FANCB: variants seen among roughly 807,000 people sequenced by gnomAD.
FANCB encodes FA complementation group B.
In FANCB, 5 loss-of-function variants were observed where a neutral mutation model predicts 38.9. That is an observed-to-expected ratio of 0.13 (90% CI 0.07 to 0.27). FANCB has a LOEUF of 0.27. FANCB is among the 10% of genes least tolerant of loss of function. The probability of loss-of-function intolerance (pLI) is 1.00; values close to 1 mark genes in which losing one functional copy is unlikely to be tolerated. For synonymous variants in FANCB, 236 were observed against 215.4 expected, an observed-to-expected ratio of 1.10 and a Z score of -0.84; for missense variants, 573 against 602.7, an observed-to-expected ratio of 0.95 and a Z score of 0.52.
the FANCB span, among the ~76,000 whole-genome samples, chrX:14,823,052 C>T: frequency 1.3e-4 from 13 of 103,186 alleles, no homozygotes; most frequent in Admixed American, 7.4e-4. Context: ...TTAATGTTTG[C>T]GTACTATATT....
chrX:14,795,270 G>C, the FANCB span, among the ~76,000 whole-genome samples: 1 of 105,357 alleles, frequency 9.5e-6, no homozygotes, highest in Non-Finnish European at 1.9e-5. Context: ...TTTTGGGGTA[G>C]ACACTAGCAA....
the FANCB span, among the ~76,000 whole-genome samples, chrX:14,715,868 C>G: frequency 8.9e-6 from 1 of 111,762 alleles, no homozygotes; most frequent in Non-Finnish European, 1.9e-5. Flanking sequence ...GAAATGGAAG[C>G]AATGGTCCAA....
the FANCB span, among the ~76,000 whole-genome samples, chrX:14,755,076 A>G: frequency 3.6e-5 from 4 of 112,214 alleles, no homozygotes; most frequent in Non-Finnish European, 3.8e-5. Flanking sequence ...TCATTTCATT[A>G]GATAGAGAAA....
the FANCB span, among the ~76,000 whole-genome samples, chrX:14,710,340 G>A: frequency 1.9e-3 from 215 of 111,870 alleles, 1 homozygote; most frequent in Non-Finnish European, 3.4e-3. Flanking sequence ...GTGGCTATCT[G>A]GAAGGTTGAT....
the FANCB span, among the ~76,000 whole-genome samples, chrX:14,784,903 T>G: frequency 2.7e-5 from 3 of 111,709 alleles, no homozygotes; most frequent in African/African-American, 9.7e-5. Flanking sequence ...CCTTAGCAAA[T>G]TAACACAGGA....
chrX:14,834,814 A>ATCATCATC (rs1569079956), downstream of FANCB: 1 of 558,738 alleles, frequency 1.8e-6, no homozygotes, highest in Non-Finnish European at 3.1e-6. Flanking sequence ...TCATCATCAA[A>ATCATCATC]ATCATCATCA....
At chrX:14,871,207 A>C (rs892071676) in intron 1 of FANCB, among the ~76,000 whole-genome samples, 29 of 111,549 alleles carry the variant, frequency 2.6e-4, no homozygotes, top group Admixed American at 2.4e-3. Flanking sequence ...AGGACTTATA[A>C]ATTTCTCATA....
chrX:14,811,170 T>C, the FANCB span, among the ~76,000 whole-genome samples: 3 of 110,813 alleles, frequency 2.7e-5, no homozygotes, highest in Non-Finnish European at 5.7e-5. Context: ...AAGGAAGCAC[T>C]AAACATGGAA....
At chrX:14,862,583 C>G (rs1370924707) in intron 3 of FANCB, among the ~76,000 whole-genome samples, 4 of 111,679 alleles carry the variant, frequency 3.6e-5, no homozygotes, top group South Asian at 7.5e-4. Flanking sequence ...TTGTTTTTTC[C>G]TTATCTAGGT....
chrX:14,732,543 CTGT>C, the FANCB span, among the ~76,000 whole-genome samples: 3 of 111,926 alleles, frequency 2.7e-5, no homozygotes, highest in Non-Finnish European at 5.6e-5. Context: ...TCTCCAGCAC[CTGT>C]TGTTTCCTGA....
the FANCB span, among the ~76,000 whole-genome samples, chrX:14,790,562 C>G: frequency 8.9e-6 from 1 of 111,998 alleles, no homozygotes; most frequent in African/African-American, 3.2e-5. Flanking sequence ...TTTATGGAGA[C>G]TAGAAAAATA....
chrX:14,834,757 T>C, downstream of FANCB: 7 of 661,750 alleles, frequency 1.1e-5, no homozygotes, highest in Non-Finnish European at 1.7e-5. Flanking sequence ...TTTTTGGCTG[T>C]AGTATCTTGT....
chrX:14,850,348 T>C (rs2092395595), intron 7 of FANCB, among the ~76,000 whole-genome samples, 157 bp downstream of exon 7: 1 of 110,242 alleles, frequency 9.1e-6, no homozygotes, highest in Non-Finnish European at 1.9e-5. Flanking sequence ...AGACTCTGTC[T>C]CAAAAAAAAC....
chrX:14,705,097 T>C, the FANCB span, among the ~76,000 whole-genome samples: 4 of 112,259 alleles, frequency 3.6e-5, no homozygotes, highest in African/African-American at 1.3e-4. Flanking sequence ...TGTCAGTAAA[T>C]GAAACAGAGA....
downstream of FANCB, among the ~76,000 whole-genome samples, chrX:14,833,723 G>A (rs1270769286): frequency 9.1e-6 from 1 of 109,782 alleles, no homozygotes; most frequent in Non-Finnish European, 1.9e-5. Flanking sequence ...ACTTTGGGAG[G>A]CCAAAGTGGG....
the FANCB span, among the ~76,000 whole-genome samples, chrX:14,818,389 A>T: frequency 9.2e-6 from 1 of 109,211 alleles, no homozygotes; most frequent in African/African-American, 3.3e-5. Context: ...AAAAAAAAAA[A>T]AAGAGAGAGA....
downstream of FANCB, among the ~76,000 whole-genome samples, chrX:14,839,665 G>A (rs751103839): frequency 4.5e-5 from 5 of 111,197 alleles, no homozygotes; most frequent in East Asian, 1.4e-3. Context: ...AAATAAAAGG[G>A]GCATATGGGG....
chrX:14,746,028 CT>C, the FANCB span, among the ~76,000 whole-genome samples: 1 of 111,347 alleles, frequency 9.0e-6, no homozygotes, highest in Admixed American at 9.5e-5. Flanking sequence ...AGAAATAGCC[CT>C]AACAACAACT....
the FANCB span, among the ~76,000 whole-genome samples, chrX:14,725,882 C>G: frequency 4.5e-5 from 5 of 112,085 alleles, no homozygotes; most frequent in African/African-American, 1.3e-4. Context: ...TATCAAAGTG[C>G]GATATAAAAA....
Sources: allele counts gnomAD v4.1 joint callset (sites outside exome capture counted in the v4.1 genomes callset), GRCh38; gene constraint gnomAD v4.1.1; transcripts MANE v1.5; gene names NCBI Gene and HGNC (gene_info 2026-07-23, HGNC 2026-07-21).